CAMK4: variants seen among roughly 807,000 people sequenced by gnomAD.
CAMK4 encodes calcium/calmodulin dependent protein kinase IV.
A neutral mutation model predicts 44.9 loss-of-function variants in CAMK4; 22 were observed. The observed-to-expected ratio is 0.49, with a 90% confidence interval of 0.35 to 0.70. CAMK4 has a LOEUF of 0.70. Among genes scored for constraint, CAMK4 ranks in the 30% least tolerant of loss-of-function variants. The pLI is 0.01. For synonymous variants in CAMK4, 218 were observed against 215.4 expected (o/e 1.01, Z -0.11); for missense variants, 498 against 586.8 (o/e 0.85, Z 1.56).
At chr5:111,287,020 A>G (rs1249592887) in intron 1 of CAMK4, among the ~76,000 whole-genome samples, 1 of 152,214 alleles carries the variant, frequency 6.6e-6, no homozygotes, top group Non-Finnish European at 1.5e-5. Context: ...TGGAAATCAC[A>G]GGTAATCAAA....
At chr5:111,435,664 A>T (rs778068111) in intron 5 of CAMK4, among the ~76,000 whole-genome samples, 53 of 152,272 alleles carry the variant, frequency 3.5e-4, no homozygotes, top group Non-Finnish European at 6.9e-4. Flanking sequence ...CTTCTTTCCC[A>T]TTACAAAAAT....
At chr5:111,449,354 A>G (rs1754149398) in intron 7 of CAMK4, 151 bp downstream of exon 7, 1 of 505,474 alleles carries the variant, frequency 2.0e-6, no homozygotes. Flanking sequence ...CATAAATAAT[A>G]CTCAGATCAC....
intron 2 of CAMK4, among the ~76,000 whole-genome samples, chr5:111,374,441 G>A (rs1465710636): frequency 2.0e-5 from 3 of 152,064 alleles, no homozygotes; most frequent in Admixed American, 2.0e-4. Context: ...TGGGTAGGTT[G>A]GGTTTTGTGC....
chr5:111,313,666 G>T (rs1748302934), intron 1 of CAMK4, among the ~76,000 whole-genome samples: 1 of 151,996 alleles, frequency 6.6e-6, no homozygotes, highest in African/African-American at 2.4e-5. Context: ...TGTTCAAAGT[G>T]ATCAATACAG....
chr5:111,438,756 T>C (rs751553673), intron 5 of CAMK4, among the ~76,000 whole-genome samples: 3 of 152,194 alleles, frequency 2.0e-5, no homozygotes, highest in Non-Finnish European at 4.4e-5. Context: ...TTAACAAATG[T>C]TTATTGGGCA....
intron 1 of CAMK4, among the ~76,000 whole-genome samples, chr5:111,230,837 G>A (rs1429879976): frequency 6.6e-6 from 1 of 151,266 alleles, no homozygotes; most frequent in Non-Finnish European, 1.5e-5. Flanking sequence ...AAAATAAAGG[G>A]TTTTTTAAAA....
intron 1 of CAMK4, among the ~76,000 whole-genome samples, chr5:111,236,490 C>A (rs867381881): frequency 6.6e-6 from 1 of 152,260 alleles, no homozygotes; most frequent in East Asian, 1.9e-4. Context: ...GCTCACACAG[C>A]CAGGTGGAGA....
Position 111,446,567 on chromosome 5 carries a change from TAA to T in CAMK4, c.460-118_460-117del, listed in dbSNP as rs1263572404. The T allele has an allele frequency of 5.1e-6, 3 of 592,850 alleles. No individual in the cohort carries two copies. In the African/African-American group the frequency reaches 5.7e-5, roughly 11 times the overall value. 36.7% of individuals were successfully genotyped at this position (592,850 alleles called of 1,614,324 possible). ...GATTTTCCTTTATGGTACTTATTGT[TAA>T]GTCATACTATGTGTGTTCTTGAATC... On this transcript the variant is annotated intron_variant, in intron 5 of 10. Transcript: ENST00000282356.
At chr5:111,409,862 G>A (rs997847811) in intron 5 of CAMK4, among the ~76,000 whole-genome samples, 6 of 152,014 alleles carry the variant, frequency 3.9e-5, no homozygotes, top group Non-Finnish European at 7.3e-5. Flanking sequence ...CTCCATTTGA[G>A]TCCACCTCAG....
intron 8 of CAMK4, among the ~76,000 whole-genome samples, chr5:111,476,349 G>C (rs1370003332): frequency 6.6e-6 from 1 of 151,544 alleles, no homozygotes. Flanking sequence ...GCGTGATCTC[G>C]GCTCACTGCA....
intron 5 of CAMK4, among the ~76,000 whole-genome samples, chr5:111,425,994 AT>A (rs934034216): frequency 3.3e-5 from 5 of 152,184 alleles, no homozygotes; most frequent in Admixed American, 2.6e-4. Context: ...ATGACAGAAC[AT>A]TTTTGTATTT....
intron 1 of CAMK4, among the ~76,000 whole-genome samples, chr5:111,298,381 T>A (rs1314483035): frequency 6.6e-6 from 1 of 152,244 alleles, no homozygotes; most frequent in East Asian, 1.9e-4. Context: ...GCTCTAAGAA[T>A]AGCTAGGGAA....
intron 5 of CAMK4, among the ~76,000 whole-genome samples, chr5:111,426,239 C>A (rs1041704751): frequency 2.6e-5 from 4 of 151,954 alleles, no homozygotes. Context: ...TGTTTGTGGG[C>A]AAATGAAAAA....
Position 111,290,320 on chromosome 5 carries a change from C to T in CAMK4, c.162-53704C>T, listed in dbSNP as rs1179328848. The stretch of plus-strand genomic sequence containing the variant: ...CATGGCTATGCAAACATTTTTGCAT[C>T]TTCTTGTCATACATTAATCCCTAGC... On this transcript the variant is annotated intron_variant, in intron 1 of 10. Coordinates refer to ENST00000282356, the MANE Select transcript of CAMK4 (RefSeq NM_001744.6). The surrounding 1 kb of genome is among the most constrained non-coding windows in gnomAD (Gnocchi z 4.5). Among the ~76,000 whole-genome samples the T allele has an allele frequency of 6.6e-6, 1 of 152,182 alleles. No homozygotes were observed. The highest frequency in any genetic ancestry group is 6.5e-5 in the Admixed American group (1 of 15,278).
At chr5:111,332,475 A>G (rs995279923) in intron 1 of CAMK4, among the ~76,000 whole-genome samples, 9 of 151,184 alleles carry the variant, frequency 6.0e-5, no homozygotes, top group Non-Finnish European at 1.5e-5. Context: ...AATCCAGTCT[A>G]TCATTGTTGG....
intron 1 of CAMK4, among the ~76,000 whole-genome samples, chr5:111,258,017 G>A (rs1052964369): frequency 1.3e-4 from 20 of 152,212 alleles, no homozygotes; most frequent in Middle Eastern, 3.4e-3. Context: ...GGAGGGTGTC[G>A]GGGGAGGGAG....
chr5:111,458,146 A>G (rs556880498), intron 7 of CAMK4, among the ~76,000 whole-genome samples: 1 of 152,238 alleles, frequency 6.6e-6, no homozygotes, highest in Admixed American at 6.5e-5. Flanking sequence ...CCCTAAGGAG[A>G]TTGTGTCCCC....
chr5:111,367,789 A>G (rs3756612), intron 2 of CAMK4, among the ~76,000 whole-genome samples: 24,928 of 152,076 alleles, frequency 0.16, 2,524 homozygotes, highest in South Asian at 0.25. Flanking sequence ...ATTACTGGGT[A>G]GGTGAATTCC....
Position 111,490,023 on chromosome 5 carries a change from T to G in CAMK4, c.*5557T>G, listed in dbSNP as rs1239919824. 1 of 152,248 alleles carries G rather than the reference T, an allele frequency of 6.6e-6. No individual in the cohort carries two copies. Among genetic ancestry groups the G allele is most frequent in the Non-Finnish European group, 1.5e-5 (1 of 68,040 alleles). The allele number at this position is 152,248 out of a possible 1,614,324, so 9.4% of individuals were successfully genotyped here. On this transcript the variant is annotated 3_prime_UTR_variant, in exon 11 of 11. Coordinates refer to ENST00000282356, the MANE Select transcript of CAMK4 (RefSeq NM_001744.6). ...CTAAACAGTTGTTTTCAGCTCATTT[T>G]GAAGATTGACCTGGAAAACATATAG...
Sources: allele counts gnomAD v4.1 joint callset (sites outside exome capture counted in the v4.1 genomes callset), GRCh38; gene constraint gnomAD v4.1.1; non-coding constraint Gnocchi (gnomAD v3.1); transcripts MANE v1.5; gene names NCBI Gene and HGNC (gene_info 2026-07-23, HGNC 2026-07-21).